Variants in IFI44L observed in about 807,000 individuals in gnomAD.
IFI44L encodes the protein interferon induced protein 44 like, also known as interferon-induced protein 44-like.
Under a neutral mutation model 39.3 loss-of-function variants are expected in IFI44L, and 40 were observed. The ratio of observed to expected loss-of-function variants is 1.02; its 90% CI spans 0.79 to 1.33. The LOEUF is 1.33. Among genes scored for constraint, IFI44L ranks in the 40% most tolerant of loss-of-function variants. IFI44L has a pLI of 0.00. For synonymous variants in IFI44L, 198 were observed against 182.3 expected, an observed-to-expected ratio of 1.09 and a Z score of -0.69; for missense variants, 623 against 549.0, an observed-to-expected ratio of 1.13 and a Z score of -1.35.
rs778304492 is a variant in IFI44L, at chr1:78,628,934, A to G, written c.479-17A>G. On this transcript the variant is annotated splice_polypyrimidine_tract_variant and intron_variant, in intron 2 of 8. Coordinates refer to ENST00000370751, the MANE Select transcript of IFI44L (RefSeq NM_006820.4). Reference sequence around the variant, plus strand: ...ACAAGTTTTAAAAATGTATTATGCTATGTTTATTTCCTATAGGAATTAAGG... The same window carrying G: ...ACAAGTTTTAAAAATGTATTATGCTGTGTTTATTTCCTATAGGAATTAAGG... The G allele has an allele frequency of 2.0e-6, 3 of 1,464,632 alleles. No homozygotes were observed. The highest frequency in any genetic ancestry group is 2.9e-6 in the Non-Finnish European group (3 of 1,050,542). 90.7% of individuals were successfully genotyped at this position (1,464,632 alleles called of 1,614,324 possible).
chr1:78,641,046 T>C lies in IFI44L; in HGVS notation c.1074T>C (p.Thr358=), dbSNP rs1646976945. The C allele has an allele frequency of 6.2e-7, 1 of 1,612,256 alleles. No homozygotes were observed. The highest frequency in any genetic ancestry group is 8.5e-7 in the Non-Finnish European group (1 of 1,178,724). Residue 358 remains threonine, a synonymous_variant, in exon 7 of 9, where the codon ACT becomes ACC. Transcript: ENST00000370751. ...GTATAGCATATGTGGCCTTGCTTAC[T>C]AAAGTGGATGATTGCAGTGAGGTTC... is the stretch of plus-strand genomic sequence containing the variant. ...NCGIAYVALL[T]KVDDCSEVLQ...
chr1:78,628,472 G>A (rs1348198761), intron 2 of IFI44L, 79 bp downstream of exon 2: 4 of 841,088 alleles, frequency 4.8e-6, no homozygotes, highest in Admixed American at 2.4e-5. Flanking sequence ...TGATCTACAA[G>A]AGCAAGGAAA....
At chr1:78,628,743 AATTATGTGAG>A in intron 2 of IFI44L, 198 bp from the exon 3 acceptor site, 1 of 553,544 alleles carries the variant, frequency 1.8e-6, no homozygotes. Context: ...TTCTAGGTGT[AATTATGTGAG>A]AGCTTCCAGA....
rs1247560900 is a variant in IFI44L at position 78,637,148 on chromosome 1, C to G, written c.993C>G (p.Leu331=). The G allele has an allele frequency of 6.2e-7, 1 of 1,610,074 alleles. No homozygotes were observed. The highest frequency in any genetic ancestry group is 8.5e-7 in the Non-Finnish European group (1 of 1,178,238). The change falls in exon 6 of 9, where the codon CTC becomes CTG. Residue 331 remains leucine, a synonymous_variant. Transcript: ENST00000370751. ...TAGACATCAACTCTATTGACAATCT[C>G]TACTCTAAAATGTTGGCAAAAGTGA... ...YVLDINSIDN[L]YSKMLAKVKQ... is the part of the protein sequence containing the mutation.
intron 4 of IFI44L, among the ~76,000 whole-genome samples, chr1:78,632,070 T>C (rs934810833): frequency 2.6e-5 from 4 of 152,188 alleles, no homozygotes; most frequent in African/African-American, 9.6e-5. Context: ...CTAATGCATA[T>C]TGAAAATTGG....
chr1:78,633,725 G>T (rs2100495212), intron 4 of IFI44L, among the ~76,000 whole-genome samples: 1 of 152,240 alleles, frequency 6.6e-6, no homozygotes, highest in Non-Finnish European at 1.5e-5. Flanking sequence ...CGTGCCAGTG[G>T]CCAATCCTAA....
intron 4 of IFI44L, among the ~76,000 whole-genome samples, chr1:78,631,004 G>A (rs889381493): frequency 1.3e-5 from 2 of 152,060 alleles, no homozygotes; most frequent in African/African-American, 2.4e-5. Context: ...TAATAAATCT[G>A]TATCATTCAT....
chr1:78,633,139 C>A (rs185875499), intron 4 of IFI44L, among the ~76,000 whole-genome samples: 1 of 152,262 alleles, frequency 6.6e-6, no homozygotes, highest in African/African-American at 2.4e-5. Flanking sequence ...GATAGTTTTA[C>A]GTTATCTGCA....
rs1647036310 is a variant in IFI44L, at chr1:78,645,499, T to A, written c.*3690T>A. On this transcript the variant is annotated 3_prime_UTR_variant, in exon 9 of 9. Coordinates refer to ENST00000370751, the MANE Select transcript of IFI44L (RefSeq NM_006820.4). ...TAAAACAAGACAGGTCTACAATTAA[T>A]TTATTTTGACGCAAATTGATAGGGG... 6.6e-6 allele frequency: 1 copy of A among 152,198 alleles called. No homozygotes were observed. The highest frequency in any genetic ancestry group is 2.1e-4 in the South Asian group (1 of 4,830). The allele number at this position is 152,198 out of a possible 1,614,324, so 9.4% of individuals were successfully genotyped here.
chr1:78,627,923 T>C lies in IFI44L; in HGVS notation c.8T>C (p.Val3Ala). 1.3e-6 allele frequency: 2 copies of C among 1,588,354 alleles called. No homozygotes were observed. The highest frequency in any genetic ancestry group is 2.7e-5 in the African/African-American group (2 of 74,032). The stretch of plus-strand genomic sequence containing the variant: ...TCCATTAGATATAGAACAATGGAAG[T>C]GACAACAAGATTGACATGGAATGAT... ME[V>A]TTRLTWNDEN... The change falls in exon 2 of 9, where the codon GTG becomes GCG. Residue 3 changes from valine (V) to alanine (A), a missense_variant. Transcript: ENST00000370751.
intron 6 of IFI44L, 91 bp downstream of exon 6, chr1:78,637,294 A>G: frequency 2.1e-6 from 2 of 947,614 alleles, no homozygotes; most frequent in Non-Finnish European, 1.6e-6. Flanking sequence ...TTTCCCATGT[A>G]CCTTTCATCC....
chr1:78,637,417 T>C lies in IFI44L; in HGVS notation c.1048+214T>C, dbSNP rs180951529. On this transcript the variant is annotated intron_variant, in intron 6 of 8. Transcript: ENST00000370751. ...AAAGAATAGACTGGCCAACCATTTT[T>C]TTTTCGTGTGTGATTTTCCTGAGGC... Among the ~76,000 whole-genome samples, 673 of 152,210 alleles carry C rather than the reference T, an allele frequency of 4.4e-3. 5 individuals are homozygous for C. The highest frequency in any genetic ancestry group is 0.015 in the African/African-American group (633 of 41,562).
Position 78,644,295 on chromosome 1 carries a change from G to A in IFI44L, c.*2486G>A, listed in dbSNP as rs1647023889. The stretch of plus-strand genomic sequence containing the variant: ...GGAGATCCTGCAAGGAAGAGAAGGA[G>A]TGAAGGAGAGATCAAGAGAGAGAAA... On this transcript the variant is annotated 3_prime_UTR_variant, in exon 9 of 9. Coordinates refer to ENST00000370751, the MANE Select transcript of IFI44L (RefSeq NM_006820.4). 1 of 152,204 alleles carries A rather than the reference G, an allele frequency of 6.6e-6. No individual in the cohort carries two copies. The highest frequency in any genetic ancestry group is 1.5e-5 in the Non-Finnish European group (1 of 68,058). The allele number at this position is 152,204 out of a possible 1,614,324, so 9.4% of individuals were successfully genotyped here.
At chr1:78,633,548 T>G (rs1313342013) in intron 4 of IFI44L, among the ~76,000 whole-genome samples, 1 of 152,230 alleles carries the variant, frequency 6.6e-6, no homozygotes, top group Non-Finnish European at 1.5e-5. Flanking sequence ...CAAGGCAGCC[T>G]GCCCAGAATT....
intron 6 of IFI44L, among the ~76,000 whole-genome samples, chr1:78,638,400 T>C (rs1483489907): frequency 6.6e-6 from 1 of 152,164 alleles, no homozygotes; most frequent in Non-Finnish European, 1.5e-5. Context: ...CTTACTATTA[T>C]GATGATTTCC....
At chr1:78,628,929 A>T (rs1652609394) in intron 2 of IFI44L, 22 bp from the exon 3 acceptor site, 3 of 1,441,624 alleles carry the variant, frequency 2.1e-6, no homozygotes, top group Non-Finnish European at 2.9e-6. Context: ...AAAATGTATT[A>T]TGCTATGTTT....
At chr1:78,641,411 A>G in intron 7 of IFI44L, 24 bp from the exon 8 acceptor site, 1 of 1,601,158 alleles carries the variant, frequency 6.2e-7, no homozygotes, top group East Asian at 2.2e-5. Context: ...CAGGACTTAC[A>G]CTTTTTAAAT....
At chr1:78,626,157 CAGTT>C (rs1203993113) in intron 1 of IFI44L, 3 of 151,680 alleles carry the variant, frequency 2.0e-5, no homozygotes, top group Non-Finnish European at 4.4e-5. Context: ...CTCAATACTT[CAGTT>C]GGTAAATTTT....
intron 4 of IFI44L, among the ~76,000 whole-genome samples, chr1:78,630,628 A>T (rs1268875668): frequency 1.3e-5 from 2 of 152,198 alleles, no homozygotes; most frequent in Non-Finnish European, 2.9e-5. Context: ...ACCACAAATT[A>T]ATATTGTCAC....
Sources: gnomAD v4.1 joint callset for allele counts (sites outside exome capture counted in the v4.1 genomes callset) on GRCh38, gnomAD v4.1.1 for gene constraint, MANE v1.5 for transcripts, NCBI Gene and HGNC (gene_info 2026-07-23, HGNC 2026-07-21) for gene names.